Variants in MAST3 observed in about 807,000 individuals in gnomAD.
The protein encoded by MAST3 is microtubule associated serine/threonine kinase 3.
A neutral mutation model predicts 127.0 loss-of-function variants in MAST3; 43 were observed. The observed-to-expected ratio is 0.34, with a 90% CI of 0.27 to 0.44. MAST3 has a LOEUF of 0.44. Among genes scored for constraint, MAST3 ranks in the 20% least tolerant of loss-of-function variants. The pLI is 1.00. For synonymous variants in MAST3, 785 were observed against 809.2 expected (o/e 0.97, Z 0.51); for missense variants, 1,390 against 1,919.1 (o/e 0.72, Z 5.15).
chr19:18,144,521 A>T lies in MAST3; in HGVS notation c.2640A>T (p.Arg880=), dbSNP rs758598754. The T allele has an allele frequency of 2.5e-6, 4 of 1,609,784 alleles. No individual in the cohort carries two copies. Among genetic ancestry groups the T allele is most frequent in the Non-Finnish European group, 3.4e-6 (4 of 1,179,182 alleles). ...TACGGAGCAATAGCATCGGCGCCCGACACTCCACACCAAGGCCTCTGGATG... is the reference window on the plus strand; with the variant it reads ...TACGGAGCAATAGCATCGGCGCCCGTCACTCCACACCAAGGCCTCTGGATG... ...ARLRSNSIGA[R]HSTPRPLDAG... is the part of the protein sequence containing the mutation. Residue 880 remains arginine (R), a synonymous_variant, in exon 23 of 28, where the codon CGA becomes CGT. Transcript: ENST00000687212. The surrounding 1 kb of genome is among the most constrained non-coding windows in gnomAD (Gnocchi z 4.0).
Position 18,147,568 on chromosome 19 carries a change from G to T in MAST3, c.3452G>T (p.Ser1151Ile). The change falls in exon 27 of 28, where the codon AGC becomes ATC. Residue 1151 changes from serine to isoleucine, a missense_variant. Ser to Ile is a moderately radical substitution (Grantham distance 142). Transcript: ENST00000687212. Reference protein sequence around the residue: ...SESLPGSPTHSLSPSPTTPCR... With the variant: ...SESLPGSPTHILSPSPTTPCR... ...AGCCTCCCCGGCTCGCCCACCCACA[G>T]CCTCTCCCCCAGCCCCACCACTCCC... 6.3e-7 allele frequency: 1 copy of T among 1,583,198 alleles called. No homozygotes were observed. Among genetic ancestry groups the T allele is most frequent in the South Asian group, 1.1e-5 (1 of 87,184 alleles).
At chr19:18,118,466 C>T (rs1008474141) in intron 3 of MAST3, among the ~76,000 whole-genome samples, 1 of 152,082 alleles carries the variant, frequency 6.6e-6, no homozygotes, top group Non-Finnish European at 1.5e-5. Context: ...TGTCTGTCCG[C>T]CAGCGTCGCA....
At chr19:18,118,044 C>CA (rs2039500422) in intron 3 of MAST3, 2 of 929,914 alleles carry the variant, frequency 2.2e-6, no homozygotes, top group African/African-American at 1.8e-5. Context: ...GCCGCCCCCC[C>CA]ATCCCCGCAG....
intron 14 of MAST3, among the ~76,000 whole-genome samples, chr19:18,130,948 G>A (rs2041210795): frequency 2.0e-5 from 3 of 152,214 alleles, no homozygotes. Context: ...GCCATCCTAG[G>A]TGGGGGGAAC....
At chr19:18,146,446 G>A (rs188260777) in intron 25 of MAST3, among the ~76,000 whole-genome samples, 47 of 152,156 alleles carry the variant, frequency 3.1e-4, no homozygotes, top group South Asian at 4.2e-4. Flanking sequence ...GACCCTCCCT[G>A]GTTCTAAAAA....
chr19:18,149,013 A>G lies in MAST3; in HGVS notation c.3509-178A>G. ...AGGAGGTTGAGGCTATGATTGAGCC[A>G]GTGCACTACAGTCTGGGCAACAGAG... On this transcript the variant is annotated intron_variant, in intron 27 of 27. Coordinates refer to ENST00000687212, the MANE Select transcript of MAST3 (RefSeq NM_001393504.1). This position sits in a 1 kb window ranked among gnomAD's most constrained non-coding sequence, Gnocchi z 5.9. Among the ~76,000 whole-genome samples, 1 of 152,146 alleles carries G rather than the reference A, an allele frequency of 6.6e-6. No homozygotes were observed. The highest frequency in any genetic ancestry group is 1.9e-4 in the East Asian group (1 of 5,196).
intron 25 of MAST3, among the ~76,000 whole-genome samples, chr19:18,146,587 A>G (rs765730704): frequency 6.6e-6 from 1 of 152,050 alleles, no homozygotes; most frequent in Non-Finnish European, 1.5e-5. Context: ...TGTTGGGGTG[A>G]TTAATGGGTG....
At chr19:18,135,281 A>G (rs1005795528) in intron 17 of MAST3, among the ~76,000 whole-genome samples, 2 of 152,118 alleles carry the variant, frequency 1.3e-5, no homozygotes, top group African/African-American at 4.8e-5. Context: ...CCTGGACAAC[A>G]TGGTGAAACC....
chr19:18,101,478 T>C (rs1268996762), intron 1 of MAST3, among the ~76,000 whole-genome samples: 4 of 152,072 alleles, frequency 2.6e-5, no homozygotes, highest in Admixed American at 6.6e-5. Context: ...CCGGGCTTGG[T>C]GCCCAGCAGG....
intron 1 of MAST3, among the ~76,000 whole-genome samples, chr19:18,103,544 A>G (rs539130432): frequency 8.2e-4 from 125 of 152,264 alleles, no homozygotes; most frequent in African/African-American, 2.9e-3. Context: ...TCTGAAAACA[A>G]ACAAACAAAC....
At chr19:18,127,678 C>T (rs772075008) in intron 11 of MAST3, among the ~76,000 whole-genome samples, 5 of 151,362 alleles carry the variant, frequency 3.3e-5, no homozygotes, top group African/African-American at 4.8e-5. Flanking sequence ...AGTGAGACTG[C>T]GTCTCAAAAA....
At chr19:18,128,754 A>T in intron 12 of MAST3, 112 bp from the exon 13 acceptor site, 1 of 824,228 alleles carries the variant, frequency 1.2e-6, no homozygotes, top group Non-Finnish European at 2.0e-6. Context: ...AGAAGTTTGG[A>T]CAGGGGAGGA....
chr19:18,140,271 G>A (rs959124118), intron 20 of MAST3, among the ~76,000 whole-genome samples: 4 of 99,292 alleles, frequency 4.0e-5, no homozygotes, highest in African/African-American at 8.2e-5. Flanking sequence ...CCAGCTACTC[G>A]GGAGGCTGAG....
chr19:18,144,606 T>G lies in MAST3; in HGVS notation c.2725T>G (p.Ser909Ala). The stretch of plus-strand genomic sequence containing the variant: ...CCCAGCCCCTGAGAAGTCCAGAGCC[T>G]CCTCCAGCGGTGGCAGTGGTGGCGG... Reference protein sequence around the residue: ...RDPAPEKSRASSSGGSGGGSG... With the variant: ...RDPAPEKSRAASSGGSGGGSG... Residue 909 changes from serine (S) to alanine (A), a missense_variant, in exon 23 of 28, where the codon TCC (serine) becomes GCC (alanine). Physicochemically the swap from Ser to Ala is moderately conservative, Grantham distance 99 (BLOSUM62 1). Coordinates refer to ENST00000687212, the MANE Select transcript of MAST3 (RefSeq NM_001393504.1). This position sits in a 1 kb window ranked among gnomAD's most constrained non-coding sequence, Gnocchi z 4.0. 1.2e-6 allele frequency: 2 copies of G among 1,611,598 alleles called. No homozygotes were observed. Among genetic ancestry groups the G allele is most frequent in the South Asian group, 1.1e-5 (1 of 91,040 alleles).
chr19:18,117,080 C>G (rs888192680), intron 3 of MAST3, among the ~76,000 whole-genome samples: 10 of 151,740 alleles, frequency 6.6e-5, no homozygotes, highest in Admixed American at 2.0e-4. Context: ...TCAGTCCTTA[C>G]GGTGGGAGAC....
At chr19:18,130,951 G>A (rs1176290922) in intron 14 of MAST3, among the ~76,000 whole-genome samples, 1 of 152,222 alleles carries the variant, frequency 6.6e-6, no homozygotes, top group Non-Finnish European at 1.5e-5. Flanking sequence ...ATCCTAGGTG[G>A]GGGGAACTGA....
intron 3 of MAST3, among the ~76,000 whole-genome samples, chr19:18,117,761 C>A (rs2039442895): frequency 6.6e-6 from 1 of 152,198 alleles, no homozygotes; most frequent in Non-Finnish European, 1.5e-5. Flanking sequence ...AAATGCCTGC[C>A]CCTAGCTCGA....
intron 3 of MAST3, among the ~76,000 whole-genome samples, chr19:18,115,178 G>A (rs972405651): frequency 3.9e-5 from 6 of 152,120 alleles, no homozygotes; most frequent in Non-Finnish European, 7.4e-5. Context: ...GCAGTGGGCC[G>A]ACACCAGAGA....
chr19:18,105,233 G>C (rs537046718), intron 1 of MAST3, among the ~76,000 whole-genome samples: 8 of 152,100 alleles, frequency 5.3e-5, no homozygotes, highest in African/African-American at 1.9e-4. Flanking sequence ...CAGGCATGCT[G>C]GCACACACCT....
Sources: gnomAD v4.1 joint callset for allele counts (sites outside exome capture counted in the v4.1 genomes callset) on GRCh38, gnomAD v4.1.1 for gene constraint, Gnocchi (gnomAD v3.1) non-coding constraint, MANE v1.5 for transcripts, NCBI Gene and HGNC (gene_info 2026-07-23, HGNC 2026-07-21) for gene names.